Variants in MAP2 observed in about 807,000 individuals in gnomAD.
MAP2 encodes microtubule-associated protein 2.
Under a neutral mutation model 137.6 loss-of-function variants are expected in MAP2, and 14 were observed. The observed-to-expected ratio is 0.10, with a 90% CI of 0.07 to 0.16. MAP2 has a LOEUF of 0.16. Among genes scored for constraint, MAP2 ranks in the 10% least tolerant of loss-of-function variants. The pLI is 1.00. For missense variants in MAP2, 2,088 were observed against 2,191.5 expected (o/e 0.95, Z 0.94); for synonymous variants, 786 against 782.3 (o/e 1.00, Z -0.08).
chr2:209,429,467 G>T (rs1022359983), intron 1 of MAP2, among the ~76,000 whole-genome samples: 5 of 151,706 alleles, frequency 3.3e-5, no homozygotes, highest in Non-Finnish European at 7.4e-5. Context: ...CCACTAATGT[G>T]TACCTATTAA....
intron 3 of MAP2, among the ~76,000 whole-genome samples, chr2:209,620,293 C>T (rs2090745558): frequency 6.6e-6 from 1 of 152,184 alleles, no homozygotes; most frequent in African/African-American, 2.4e-5. Flanking sequence ...TAGTCCTCTA[C>T]AATAGCCTGG....
At chr2:209,535,518 A>G (rs939216959) in intron 2 of MAP2, among the ~76,000 whole-genome samples, 9 of 150,300 alleles carry the variant, frequency 6.0e-5, no homozygotes, top group Non-Finnish European at 1.3e-4. Flanking sequence ...CCATGAATGC[A>G]TGGTTCAGTG....
intron 3 of MAP2, among the ~76,000 whole-genome samples, chr2:209,609,677 A>G (rs2086150691): frequency 6.6e-6 from 1 of 152,190 alleles, no homozygotes; most frequent in Non-Finnish European, 1.5e-5. Context: ...ATAATATTCC[A>G]TTGAATGGAT....
chr2:209,536,731 G>A (rs1559291650), intron 2 of MAP2, among the ~76,000 whole-genome samples: 1 of 152,072 alleles, frequency 6.6e-6, no homozygotes, highest in Non-Finnish European at 1.5e-5. Flanking sequence ...GTCTTAAATT[G>A]AGTTACTTGT....
intron 2 of MAP2, among the ~76,000 whole-genome samples, chr2:209,533,946 A>G (rs1454811849): frequency 2.0e-5 from 3 of 152,188 alleles, no homozygotes; most frequent in African/African-American, 7.2e-5. Flanking sequence ...AGCAGGGACC[A>G]CACCCAGTTG....
At chr2:209,463,614 T>C (rs1336795027) in intron 1 of MAP2, among the ~76,000 whole-genome samples, 5 of 152,186 alleles carry the variant, frequency 3.3e-5, no homozygotes, top group African/African-American at 4.8e-5. Flanking sequence ...AGAGAAATCA[T>C]AAAAATGTAT....
chr2:209,679,475 T>C (rs2153685996), intron 6 of MAP2, among the ~76,000 whole-genome samples: 1 of 152,148 alleles, frequency 6.6e-6, no homozygotes, highest in Middle Eastern at 3.4e-3. Flanking sequence ...AAATTCAATA[T>C]ATATATTTAT....
chr2:209,712,408 T>G (rs1037989277), intron 13 of MAP2, among the ~76,000 whole-genome samples: 4 of 152,278 alleles, frequency 2.6e-5, no homozygotes, highest in African/African-American at 9.6e-5. Flanking sequence ...GAAGCAAATA[T>G]GTTTTTATCA....
At chr2:209,430,584 T>A (rs1360167271) in intron 1 of MAP2, among the ~76,000 whole-genome samples, 1 of 152,142 alleles carries the variant, frequency 6.6e-6, no homozygotes, top group East Asian at 1.9e-4. Context: ...ATTTTTCTGT[T>A]TGGATTAAGA....
chr2:209,645,516 C>A (rs1272829829), intron 4 of MAP2, among the ~76,000 whole-genome samples: 3 of 151,858 alleles, frequency 2.0e-5, no homozygotes, highest in Admixed American at 2.0e-4. Flanking sequence ...AGTCTGTTAA[C>A]CTGTAACCTA....
intron 2 of MAP2, among the ~76,000 whole-genome samples, chr2:209,528,771 TATGTA>T (rs1559281568): frequency 2.0e-5 from 3 of 148,868 alleles, no homozygotes; most frequent in Non-Finnish European, 3.0e-5. Context: ...TATATATGTA[TATGTA>T]CATATGTATG....
At chr2:209,649,607 T>C (rs2094644756) in intron 4 of MAP2, among the ~76,000 whole-genome samples, 1 of 152,210 alleles carries the variant, frequency 6.6e-6, no homozygotes, top group Non-Finnish European at 1.5e-5. Flanking sequence ...GAGGCAATCT[T>C]TTCAAGTTAT....
chr2:209,427,792 A>T (rs1392061792), intron 1 of MAP2, among the ~76,000 whole-genome samples: 1 of 152,122 alleles, frequency 6.6e-6, no homozygotes, highest in African/African-American at 2.4e-5. Flanking sequence ...TGTAGTACAC[A>T]AAAGGCCAAA....
At position 209,695,706 on chromosome 2, in the gene MAP2, T is replaced by C; in HGVS notation, c.3536T>C (p.Val1179Ala). 1 of 1,614,120 alleles carries C rather than the reference T, an allele frequency of 6.2e-7. No homozygotes were observed. The highest frequency in any genetic ancestry group is 8.5e-7 in the Non-Finnish European group (1 of 1,180,008). Reference sequence around the variant, plus strand: ...GTGGAAATACCTTGCCCACCTGCTGTTTCAGAGGCTGATTTAGCCACAGAT... The same window carrying C: ...GTGGAAATACCTTGCCCACCTGCTGCTTCAGAGGCTGATTTAGCCACAGAT... Reference protein sequence around the residue: ...LSVEIPCPPAVSEADLATDER... With the variant: ...LSVEIPCPPAASEADLATDER... Residue 1179 changes from valine (V) to alanine (A), a missense_variant, in exon 8 of 16, where the codon GTT (valine) becomes GCT (alanine). Physicochemically the swap from Val to Ala is moderately conservative, Grantham distance 64 (BLOSUM62 0). Coordinates refer to ENST00000682079, the MANE Select transcript of MAP2 (RefSeq NM_001375505.1).
intron 2 of MAP2, among the ~76,000 whole-genome samples, chr2:209,561,728 T>C (rs2072149436): frequency 6.6e-6 from 1 of 152,354 alleles, no homozygotes; most frequent in Non-Finnish European, 1.5e-5. Context: ...AATCAACAAA[T>C]GAATTACTCA....
chr2:209,679,284 A>G (rs2053388550), intron 6 of MAP2, among the ~76,000 whole-genome samples: 1 of 151,990 alleles, frequency 6.6e-6, no homozygotes, highest in Non-Finnish European at 1.5e-5. Context: ...ATGCTTGCCA[A>G]AGGAAACACT....
intron 3 of MAP2, among the ~76,000 whole-genome samples, chr2:209,583,662 C>T (rs1485593097): frequency 1.3e-5 from 2 of 151,684 alleles, no homozygotes; most frequent in Non-Finnish European, 2.9e-5. Context: ...TCTCTACTTG[C>T]AAAGGAGTAT....
chr2:209,492,866 A>G (rs754482843), intron 1 of MAP2, among the ~76,000 whole-genome samples: 15 of 152,216 alleles, frequency 9.9e-5, no homozygotes, highest in Non-Finnish European at 1.6e-4. Context: ...ATACTGCCCA[A>G]TGTAATTTAT....
At position 209,696,948 on chromosome 2, in the gene MAP2, A is replaced by G. The variant is rs2060328097; in HGVS notation, c.4419A>G (p.Lys1473=). The part of the protein sequence containing the change: ...AVYKKAELAK[K]TEVQAHSPSR... ...ATAAGAAGGCTGAACTTGCTAAAAAAACAGAAGTTCAGGCCCACTCTCCCT... is the reference window on the plus strand; with the variant it reads ...ATAAGAAGGCTGAACTTGCTAAAAAGACAGAAGTTCAGGCCCACTCTCCCT... Residue 1473 remains lysine (K), a synonymous_variant, in exon 10 of 16, where the codon AAA becomes AAG. Coordinates refer to ENST00000682079, the MANE Select transcript of MAP2 (RefSeq NM_001375505.1). 6.2e-7 allele frequency: 1 copy of G among 1,609,006 alleles called. No individual in the cohort carries two copies. The highest frequency in any genetic ancestry group is 1.3e-5 in the African/African-American group (1 of 74,506).
Sources: allele counts gnomAD v4.1 joint callset (sites outside exome capture counted in the v4.1 genomes callset), GRCh38; gene constraint gnomAD v4.1.1; transcripts MANE v1.5; gene names NCBI Gene and HGNC (gene_info 2026-07-23, HGNC 2026-07-21).